The following NTM variants were observed in gnomAD, a reference collection of about 807,000 sequenced individuals.
The protein encoded by NTM is neurotrimin.
NTM carries 13 observed loss-of-function variants against 42.1 expected under a neutral mutation model. The observed-to-expected ratio is 0.31, with a 90% CI of 0.20 to 0.49. The LOEUF (loss-of-function observed/expected upper bound fraction) is 0.49, where lower values mean the gene tolerates loss of function less well. Among genes scored for constraint, NTM ranks in the 20% least tolerant of loss-of-function variants. NTM has a pLI of 0.99. For missense variants in NTM, 373 were observed against 452.8 expected (o/e 0.82, Z 1.60); for synonymous variants, 187 against 179.2 (o/e 1.04, Z -0.35).
At chr11:132,221,207 A>G (rs994903697) in intron 4 of NTM, among the ~76,000 whole-genome samples, 5 of 152,152 alleles carry the variant, frequency 3.3e-5, no homozygotes, top group Non-Finnish European at 7.4e-5. Context: ...AGTCTAAATA[A>G]CACCAGAGGC....
chr11:131,729,284 G>GAA (rs2079340733), intron 1 of NTM, among the ~76,000 whole-genome samples: 2 of 152,120 alleles, frequency 1.3e-5, no homozygotes, highest in Admixed American at 6.6e-5. Context: ...GACACAACGG[G>GAA]TATTTGAGAA....
intron 1 of NTM, among the ~76,000 whole-genome samples, chr11:131,523,834 G>A (rs73026175): frequency 0.011 from 1,615 of 146,444 alleles, 9 homozygotes; most frequent in South Asian, 0.03. Flanking sequence ...GAAGGAAGAA[G>A]AGACATTAAG....
At chr11:131,380,895 A>C (rs186326682) in intron 1 of NTM, among the ~76,000 whole-genome samples, 1 of 152,314 alleles carries the variant, frequency 6.6e-6, no homozygotes, top group Non-Finnish European at 1.5e-5. Context: ...TCTATTATAA[A>C]GCCATTTTCT....
chr11:132,245,361 C>T (rs976100096), intron 4 of NTM, among the ~76,000 whole-genome samples: 12 of 151,934 alleles, frequency 7.9e-5, no homozygotes, highest in Admixed American at 6.6e-4. Context: ...AGTTCAAGTG[C>T]AGAGTAGAGA....
intron 1 of NTM, among the ~76,000 whole-genome samples, chr11:131,837,560 G>A (rs1482899199): frequency 6.6e-6 from 1 of 152,166 alleles, no homozygotes; most frequent in African/African-American, 2.4e-5. Context: ...TTTCTAAGAT[G>A]AAACAGATCA....
chr11:131,446,242 A>G (rs1350140080), intron 1 of NTM, among the ~76,000 whole-genome samples: 1 of 149,782 alleles, frequency 6.7e-6, no homozygotes, highest in Non-Finnish European at 1.5e-5. Context: ...TACAATTTGC[A>G]TTCTGGACAA....
intron 1 of NTM, among the ~76,000 whole-genome samples, chr11:131,774,359 A>G (rs879564594): frequency 2.6e-5 from 4 of 152,094 alleles, no homozygotes; most frequent in South Asian, 2.1e-4. Context: ...ATTCACAGTA[A>G]TCCTTGACTT....
intron 1 of NTM, among the ~76,000 whole-genome samples, chr11:131,901,938 C>G: frequency 6.6e-6 from 1 of 152,322 alleles, no homozygotes; most frequent in African/African-American, 2.4e-5. Context: ...GGAAAGCATA[C>G]CAAAGCTTTA....
chr11:131,464,559 A>C, intron 1 of NTM, among the ~76,000 whole-genome samples: 1 of 150,014 alleles, frequency 6.7e-6, no homozygotes, highest in East Asian at 2.0e-4. Flanking sequence ...CTTCCTTTTC[A>C]CTCTCCTTTT....
chr11:132,169,608 A>G (rs1228739923), intron 3 of NTM, among the ~76,000 whole-genome samples: 1 of 152,062 alleles, frequency 6.6e-6, no homozygotes, highest in Non-Finnish European at 1.5e-5. Flanking sequence ...TGCTGGGATT[A>G]CAGGCGTGAA....
At chr11:132,168,864 G>C (rs1457175150) in intron 3 of NTM, among the ~76,000 whole-genome samples, 1 of 152,190 alleles carries the variant, frequency 6.6e-6, no homozygotes, top group East Asian at 1.9e-4. Context: ...TAAGGCTGTG[G>C]CTCTGTCAAG....
chr11:131,795,647 G>C, intron 1 of NTM: 1 of 985,414 alleles, frequency 1.0e-6, no homozygotes. Context: ...ATGTAGGCCA[G>C]TACAGTGCCA....
intron 1 of NTM, among the ~76,000 whole-genome samples, chr11:131,631,060 C>T (rs2063606573): frequency 1.3e-5 from 2 of 152,172 alleles, no homozygotes; most frequent in Non-Finnish European, 2.9e-5. Flanking sequence ...AATCAAATAA[C>T]TGAGGAAGTA....
chr11:132,316,104 G>T (rs976218576), intron 7 of NTM, among the ~76,000 whole-genome samples: 1 of 151,886 alleles, frequency 6.6e-6, no homozygotes, highest in Non-Finnish European at 1.5e-5. Flanking sequence ...TCCTCACAGG[G>T]GTAGTCTTCC....
chr11:131,444,609 G>A (rs1372596716), intron 1 of NTM, among the ~76,000 whole-genome samples: 1 of 152,170 alleles, frequency 6.6e-6, no homozygotes, highest in African/African-American at 2.4e-5. Flanking sequence ...GGCATAAATT[G>A]AGGGCTTTGC....
intron 1 of NTM, among the ~76,000 whole-genome samples, chr11:131,394,420 C>G (rs1038678353): frequency 6.6e-6 from 1 of 152,166 alleles, no homozygotes; most frequent in Non-Finnish European, 1.5e-5. Flanking sequence ...CTTGGTCCAC[C>G]TTTTGAGAAG....
At chr11:132,029,549 A>G (rs1444187187) in intron 2 of NTM, among the ~76,000 whole-genome samples, 6 of 152,220 alleles carry the variant, frequency 3.9e-5, no homozygotes, top group Middle Eastern at 3.4e-3. Context: ...TGTGAAAAGC[A>G]TGATGATGAT....
chr11:132,278,789 T>A lies in NTM; in HGVS notation c.527-28900T>A, dbSNP rs562102110. Among the ~76,000 whole-genome samples, 47 of 108,090 alleles carry A rather than the reference T, an allele frequency of 4.3e-4. 1 individual carries two copies. Among genetic ancestry groups the A allele is most frequent in the Admixed American group, 3.7e-3 (35 of 9,538 alleles). 70.9% of individuals were successfully genotyped at this position (108,090 alleles called of 152,430 possible). On this transcript the variant is annotated intron_variant, in intron 4 of 8. Transcript: ENST00000683400. ...TCTCTCTCTCTCTCTCTCTCTTTAC[T>A]GCTTAAATGTCAGTAATCTCCAGGG...
intron 1 of NTM, among the ~76,000 whole-genome samples, chr11:131,474,199 T>C (rs755607736): frequency 1.5e-4 from 23 of 152,122 alleles, no homozygotes; most frequent in Non-Finnish European, 3.1e-4. Context: ...TGCTCTGATC[T>C]TTCTCTGAAC....
Sources: allele counts gnomAD v4.1 joint callset (sites outside exome capture counted in the v4.1 genomes callset), GRCh38; gene constraint gnomAD v4.1.1; transcripts MANE v1.5; gene names NCBI Gene and HGNC (gene_info 2026-07-23, HGNC 2026-07-21).